Variants in IFT74 observed in about 807,000 individuals in gnomAD.
IFT74 encodes intraflagellar transport 74.
Under a neutral mutation model 96.7 loss-of-function variants are expected in IFT74, and 92 were observed. The observed-to-expected ratio is 0.95, with a 90% CI of 0.80 to 1.13. The LOEUF (loss-of-function observed/expected upper bound fraction) is 1.13. IFT74 is among the 50% of genes most tolerant of loss of function. The pLI, the probability that IFT74 is intolerant of heterozygous loss-of-function variation, is 0.00. For missense variants in IFT74, 811 were observed against 698.2 expected (o/e 1.16, Z -1.82); for synonymous variants, 223 against 213.2 (o/e 1.05, Z -0.40).
Position 27,063,033 on chromosome 9 carries a change from G to A in IFT74, c.*297G>A. The A allele has an allele frequency of 3.8e-6, 1 of 261,610 alleles. No homozygotes were observed. Among genetic ancestry groups the A allele is most frequent in the Non-Finnish European group, 7.2e-6 (1 of 139,694 alleles). 16.2% of individuals were successfully genotyped at this position (261,610 alleles called of 1,614,324 possible). On this transcript the variant is annotated 3_prime_UTR_variant, in exon 20 of 20. Coordinates refer to ENST00000380062, the MANE Select transcript of IFT74 (RefSeq NM_025103.4). ...ATTTAGCTGGTATAATCCATCTATG[G>A]CAACAAATGAGATAAGCTTTTCTTG...
chr9:26,967,331 A>T (rs531261366), intron 2 of IFT74, among the ~76,000 whole-genome samples: 6 of 151,862 alleles, frequency 4.0e-5, no homozygotes, highest in Non-Finnish European at 8.8e-5. Context: ...GTTAATTCCT[A>T]GGTATTTTAT....
At chr9:26,977,259 G>A (rs1827170160) in intron 2 of IFT74, among the ~76,000 whole-genome samples, 1 of 151,994 alleles carries the variant, frequency 6.6e-6, no homozygotes, top group Non-Finnish European at 1.5e-5. Flanking sequence ...GCCTGTTGGT[G>A]CATGCCACCA....
At chr9:26,999,119 G>GC (rs1828334788) in intron 8 of IFT74, among the ~76,000 whole-genome samples, 2 of 152,136 alleles carry the variant, frequency 1.3e-5, no homozygotes, top group South Asian at 4.1e-4. Context: ...CAGAAATGGA[G>GC]CCAGGTATTG....
At chr9:27,058,182 G>GGAGCTCCTT (rs1264922148) in intron 18 of IFT74, among the ~76,000 whole-genome samples, 1 of 151,224 alleles carries the variant, frequency 6.6e-6, no homozygotes, top group East Asian at 1.9e-4. Flanking sequence ...TGGAGCTCCT[G>GGAGCTCCTT]GACTCAACCG....
chr9:26,997,995 A>G (rs745917814), intron 8 of IFT74: 1 of 1,613,958 alleles, frequency 6.2e-7, no homozygotes, highest in Non-Finnish European at 8.5e-7. Flanking sequence ...TGAATTACAT[A>G]GATGGAGTTT....
chr9:27,023,891 C>T (rs1260669379), intron 12 of IFT74, among the ~76,000 whole-genome samples: 9 of 152,168 alleles, frequency 5.9e-5, no homozygotes, highest in South Asian at 2.1e-4. Flanking sequence ...CTACCCGCCT[C>T]GTAGCCAAAG....
chr9:27,054,074 T>G (rs1820052667), intron 16 of IFT74, among the ~76,000 whole-genome samples: 1 of 152,244 alleles, frequency 6.6e-6, no homozygotes, highest in African/African-American at 2.4e-5. Context: ...AAGGAAACAT[T>G]CAAGAAATAC....
intron 13 of IFT74, among the ~76,000 whole-genome samples, chr9:27,033,909 A>T (rs1477943533): frequency 3.3e-5 from 5 of 152,180 alleles, no homozygotes; most frequent in Non-Finnish European, 7.3e-5. Context: ...AATGCTAGCC[A>T]TAAGTTTTTT....
chr9:26,962,194 G>GT (rs1826397457), intron 2 of IFT74, 107 bp downstream of exon 2: 1 of 933,576 alleles, frequency 1.1e-6, no homozygotes, highest in African/African-American at 1.7e-5. Context: ...CTGCACCCCA[G>GT]TTTTTGAGTT....
At chr9:27,050,471 A>G (rs988798575) in intron 16 of IFT74, among the ~76,000 whole-genome samples, 2 of 152,188 alleles carry the variant, frequency 1.3e-5, no homozygotes, top group African/African-American at 4.8e-5. Context: ...TAAAGAGACT[A>G]GGATAAGGTC....
At chr9:27,024,615 C>T (rs1190990679) in intron 12 of IFT74, among the ~76,000 whole-genome samples, 2 of 152,078 alleles carry the variant, frequency 1.3e-5, no homozygotes, top group African/African-American at 4.8e-5. Flanking sequence ...GGTTCTGTAA[C>T]ATCCCCAGAA....
intron 2 of IFT74, among the ~76,000 whole-genome samples, chr9:26,968,615 T>C (rs2131500461): frequency 6.6e-6 from 1 of 152,306 alleles, no homozygotes; most frequent in East Asian, 1.9e-4. Flanking sequence ...TGTTCAGGTT[T>C]TGGATTTCTT....
intron 9 of IFT74, 63 bp from the exon 10 acceptor site, chr9:27,011,843 C>T (rs1478700551): frequency 3.8e-6 from 4 of 1,053,278 alleles, no homozygotes; most frequent in Non-Finnish European, 5.3e-6. Context: ...CTCCCTCCCC[C>T]CACTACAACA....
At chr9:27,046,367 T>C (rs190043975) in intron 14 of IFT74, among the ~76,000 whole-genome samples, 2 of 152,308 alleles carry the variant, frequency 1.3e-5, no homozygotes, top group Admixed American at 6.5e-5. Context: ...AAAAGTATAA[T>C]GGGAATCCAT....
Position 26,999,648 on chromosome 9 carries a change from A to G in IFT74, c.588-9372A>G, listed in dbSNP as rs144043996. ...AGACTGGATTTTGTCTGATAATAAT[A>G]TCATGGAGAGGGGCCAAAAGAGGAT... On this transcript the variant is annotated intron_variant, in intron 8 of 19. Coordinates refer to ENST00000380062, the MANE Select transcript of IFT74 (RefSeq NM_025103.4). 20 of 1,610,054 alleles carry G rather than the reference A, an allele frequency of 1.2e-5. No individual in the cohort carries two copies. Among genetic ancestry groups the G allele is most frequent in the Admixed American group, 1.7e-5 (1 of 59,582 alleles).
rs768527767 is a variant in IFT74 at position 26,966,507 on chromosome 9, G to A, written c.120+4420G>A. On this transcript the variant is annotated intron_variant, in intron 2 of 19. Coordinates refer to ENST00000380062, the MANE Select transcript of IFT74 (RefSeq NM_025103.4). ...AGTTGTCTATTCAGACCTTTTGCCC[G>A]TTTTTTATTGTATTATTAGATTTTT... Among the ~76,000 whole-genome samples, 13 of 151,772 alleles carry A rather than the reference G, an allele frequency of 8.6e-5. No homozygotes were observed. In the East Asian group the frequency reaches 9.6e-4, roughly 11 times the overall value.
chr9:27,011,432 T>G (rs1483799793), intron 9 of IFT74, among the ~76,000 whole-genome samples: 1 of 152,184 alleles, frequency 6.6e-6, no homozygotes, highest in South Asian at 2.1e-4. Flanking sequence ...TTTACATATA[T>G]GTGTATGTAT....
At chr9:27,055,911 T>C in intron 17 of IFT74, 139 bp downstream of exon 17, 1 of 596,906 alleles carries the variant, frequency 1.7e-6, no homozygotes, top group Non-Finnish European at 2.6e-6. Flanking sequence ...ATAAAAATGT[T>C]TACATATGTA....
chr9:27,060,736 G>A lies in IFT74; in HGVS notation c.1684+85G>A, dbSNP rs111557870. 3,483 of 884,996 alleles carry A rather than the reference G, an allele frequency of 3.9e-3. 79 individuals are homozygous for A. The African/African-American group carries it at 0.05, about 13-fold the overall frequency. 54.8% of individuals were successfully genotyped at this position (884,996 alleles called of 1,614,324 possible). On this transcript the variant is annotated intron_variant, in intron 19 of 19. Transcript: ENST00000380062. ...CACTTTGGGAGGCCGAGGCAGGTGG[G>A]CCACAAGGTCAGGAGATTGAGACCA...
Sources: allele counts gnomAD v4.1 joint callset (sites outside exome capture counted in the v4.1 genomes callset), GRCh38; gene constraint gnomAD v4.1.1; transcripts MANE v1.5; gene names NCBI Gene and HGNC (gene_info 2026-07-23, HGNC 2026-07-21).